The following SH3BP4 variants were observed in gnomAD, a reference collection of about 807,000 sequenced individuals.
SH3BP4 encodes SH3 domain binding protein 4.
A neutral mutation model predicts 65.5 loss-of-function variants in SH3BP4; 33 were observed. The ratio of observed to expected loss-of-function variants is 0.50; its 90% CI spans 0.38 to 0.67. SH3BP4 has a LOEUF of 0.67. Among genes scored for constraint, SH3BP4 ranks in the 30% least tolerant of loss-of-function variants. The pLI, the probability that SH3BP4 is intolerant of heterozygous loss-of-function variation, is 0.00. For missense variants in SH3BP4, 1,134 were observed against 1,261.4 expected (o/e 0.90, Z 1.53); for synonymous variants, 552 against 545.5 (o/e 1.01, Z -0.17).
intron 2 of SH3BP4, among the ~76,000 whole-genome samples, chr2:234,998,645 G>T (rs915351991): frequency 1.3e-5 from 2 of 152,300 alleles, no homozygotes; most frequent in East Asian, 1.9e-4. Flanking sequence ...TGTCACCACC[G>T]CCTCTCTCTC....
At chr2:235,051,814 G>A (rs1696063590) in intron 4 of SH3BP4, among the ~76,000 whole-genome samples, 2 of 152,176 alleles carry the variant, frequency 1.3e-5, no homozygotes, top group African/African-American at 4.8e-5. Context: ...AGCAGGTCCA[G>A]CTCGCCCTCC....
chr2:234,957,543 A>G (rs967596037), intron 1 of SH3BP4, among the ~76,000 whole-genome samples: 1 of 151,468 alleles, frequency 6.6e-6, no homozygotes. Context: ...GGATTTGGGT[A>G]CTACTGAGTA....
intron 1 of SH3BP4, among the ~76,000 whole-genome samples, chr2:234,982,777 C>G (rs1225245871): frequency 6.6e-6 from 1 of 152,082 alleles, no homozygotes; most frequent in Non-Finnish European, 1.5e-5. Context: ...CTGGAGTGAC[C>G]AGTGGATGCC....
chr2:234,971,540 A>G (rs535860585), intron 1 of SH3BP4, among the ~76,000 whole-genome samples: 2 of 152,228 alleles, frequency 1.3e-5, no homozygotes, highest in South Asian at 4.1e-4. Flanking sequence ...TGGTAATTCT[A>G]TTTTTAATTT....
intron 1 of SH3BP4, among the ~76,000 whole-genome samples, chr2:234,962,472 C>G (rs528701465): frequency 3.3e-5 from 5 of 151,990 alleles, no homozygotes; most frequent in African/African-American, 1.2e-4. Context: ...ATAAAAAAAC[C>G]TTTTCTGCTT....
At chr2:235,036,740 A>AAAAAAAATAATAATAATAATAAT (rs146049108) in intron 3 of SH3BP4, among the ~76,000 whole-genome samples, 3 of 141,738 alleles carry the variant, frequency 2.1e-5, no homozygotes, top group Non-Finnish European at 3.0e-5. Flanking sequence ...TCTATATAAA[A>AAAAAAAATAATAATAATAATAAT]AATAATAATA....
chr2:235,004,981 G>T (rs961424601), intron 2 of SH3BP4, among the ~76,000 whole-genome samples: 3 of 152,194 alleles, frequency 2.0e-5, no homozygotes, highest in African/African-American at 7.2e-5. Flanking sequence ...GTAGGGCTTG[G>T]TATGTTGTTG....
In SH3BP4 at chr2:235,035,295, T is replaced by A. The variant is rs1450980549; in HGVS notation, c.118+175T>A. ...AGCCCTGGAATCATAGTCACTTGTC[T>A]TATTTTTTGGTTCCCCCTTATTAGT... is the stretch of plus-strand genomic sequence containing the variant. On this transcript the variant is annotated intron_variant, in intron 3 of 5. Coordinates refer to ENST00000392011, the MANE Select transcript of SH3BP4 (RefSeq NM_014521.3). This position sits in a 1 kb window ranked among gnomAD's most constrained non-coding sequence, Gnocchi z 5.0. 2.0e-5 allele frequency among the ~76,000 whole-genome samples: 3 copies of A among 152,214 alleles called. No homozygotes were observed. The highest frequency in any genetic ancestry group is 1.3e-4 in the Admixed American group (2 of 15,282).
At chr2:234,972,921 T>C (rs981512637) in intron 1 of SH3BP4, among the ~76,000 whole-genome samples, 5 of 152,146 alleles carry the variant, frequency 3.3e-5, no homozygotes, top group African/African-American at 1.2e-4. Context: ...GTGAATGTAG[T>C]TGAAGTAGGT....
chr2:234,973,835 A>G (rs1419088364), intron 1 of SH3BP4, among the ~76,000 whole-genome samples: 4 of 151,450 alleles, frequency 2.6e-5, no homozygotes, highest in South Asian at 4.2e-4. Context: ...GAGTTTCCCT[A>G]TGTTGCCCAG....
chr2:235,051,789 C>T (rs1453084832), intron 4 of SH3BP4, among the ~76,000 whole-genome samples: 1 of 152,148 alleles, frequency 6.6e-6, no homozygotes, highest in Non-Finnish European at 1.5e-5. Flanking sequence ...TGGCCAATGT[C>T]AGCACCGCAC....
chr2:235,032,162 G>A (rs1440304355), intron 2 of SH3BP4, among the ~76,000 whole-genome samples: 1 of 152,206 alleles, frequency 6.6e-6, no homozygotes, highest in Non-Finnish European at 1.5e-5. Flanking sequence ...CTCACCCGGC[G>A]CAGTCCTCGG....
chr2:235,009,446 G>T (rs1559242234), intron 2 of SH3BP4, among the ~76,000 whole-genome samples: 1 of 152,310 alleles, frequency 6.6e-6, no homozygotes, highest in East Asian at 1.9e-4. Context: ...GTGTGCCTGG[G>T]ACCCTGGAGG....
At chr2:235,038,376 CATATAT>C (rs1177080438) in intron 3 of SH3BP4, among the ~76,000 whole-genome samples, 430 of 12,252 alleles carry the variant, frequency 0.035, 18 homozygotes, top group Middle Eastern at 0.25. Context: ...AATATATATA[CATATAT>C]ATATATATAT....
At position 234,967,992 on chromosome 2, in the gene SH3BP4, C is replaced by A. The variant is rs1410450943; in HGVS notation, c.-207+15822C>A. Among the ~76,000 whole-genome samples, 1 of 152,130 alleles carries A rather than the reference C, an allele frequency of 6.6e-6. No individual in the cohort carries two copies. The highest frequency in any genetic ancestry group is 1.9e-4 in the East Asian group (1 of 5,192). ...AGGCACCTGCTGGGTTTCCTGCCAC[C>A]TGTGGAGAAGCCCGCTCCTTCCCTT... On this transcript the variant is annotated intron_variant, in intron 1 of 5. Coordinates refer to ENST00000392011, the MANE Select transcript of SH3BP4 (RefSeq NM_014521.3). This position sits in a 1 kb window ranked among gnomAD's most constrained non-coding sequence, Gnocchi z 4.6.
At position 235,022,524 on chromosome 2, in the gene SH3BP4, A is replaced by G. The variant is rs140277074; in HGVS notation, c.-132-12347A>G. Among the ~76,000 whole-genome samples, 683 of 152,240 alleles carry G rather than the reference A, an allele frequency of 4.5e-3. 5 individuals are homozygous for G. Among genetic ancestry groups the G allele is most frequent in the East Asian group, 0.019 (96 of 5,178 alleles). On this transcript the variant is annotated intron_variant, in intron 2 of 5. Coordinates refer to ENST00000392011, the MANE Select transcript of SH3BP4 (RefSeq NM_014521.3). Reference sequence around the variant, plus strand: ...CGACAGAGCGAGACTCTGTCTCCAAAAAAAAAAAGTAGTAGTTGATACTTG... The same window carrying G: ...CGACAGAGCGAGACTCTGTCTCCAAGAAAAAAAAGTAGTAGTTGATACTTG...
At chr2:234,987,419 G>A (rs979859143) in intron 1 of SH3BP4, among the ~76,000 whole-genome samples, 3 of 152,086 alleles carry the variant, frequency 2.0e-5, no homozygotes, top group Non-Finnish European at 2.9e-5. Context: ...CTTGATGTAC[G>A]TTAGAGCCCC....
intron 1 of SH3BP4, among the ~76,000 whole-genome samples, chr2:234,994,247 C>T (rs1693845204): frequency 6.6e-6 from 1 of 152,164 alleles, no homozygotes; most frequent in Non-Finnish European, 1.5e-5. Context: ...AGCCAGTTGT[C>T]CTAGCATCAC....
rs536451012 is a variant in SH3BP4, at chr2:235,011,260, T to C, written c.-133+15884T>C. ...CCTTCCTCTCTCTCCTAGCTTCTGGTGGTTTTTGGCAGTCTTCGTTAGCTT... is the reference window on the plus strand; with the variant it reads ...CCTTCCTCTCTCTCCTAGCTTCTGGCGGTTTTTGGCAGTCTTCGTTAGCTT... On this transcript the variant is annotated intron_variant, in intron 2 of 5. Transcript: ENST00000392011. Among the ~76,000 whole-genome samples the C allele has an allele frequency of 4.0e-5, 6 of 148,632 alleles. No homozygotes were observed. The East Asian group carries it at 1.0e-3, about 25-fold the overall frequency.
Sources: allele counts gnomAD v4.1 joint callset (sites outside exome capture counted in the v4.1 genomes callset), GRCh38; gene constraint gnomAD v4.1.1; non-coding constraint Gnocchi (gnomAD v3.1); transcripts MANE v1.5; gene names NCBI Gene and HGNC (gene_info 2026-07-23, HGNC 2026-07-21).